C12orf42: variants seen among roughly 807,000 people sequenced by gnomAD.
C12orf42 encodes the protein uncharacterized protein C12orf42.
A neutral mutation model predicts 21.6 loss-of-function variants in C12orf42; 25 were observed. That is an observed-to-expected ratio of 1.16 (90% CI 0.84 to 1.62). The LOEUF is 1.62. Among genes scored for constraint, C12orf42 ranks in the 40% most tolerant of loss-of-function variants. The probability of loss-of-function intolerance (pLI) is 0.00; values close to 1 mark genes in which losing one functional copy is unlikely to be tolerated. For missense variants in C12orf42, 483 were observed against 459.3 expected (o/e 1.05, Z -0.47); for synonymous variants, 174 against 175.0 (o/e 0.99, Z 0.05).
At chr12:103,333,447 A>G (rs1023973414) in intron 4 of C12orf42, among the ~76,000 whole-genome samples, 2 of 152,228 alleles carry the variant, frequency 1.3e-5, no homozygotes, top group African/African-American at 2.4e-5. Context: ...ATAACAAGGA[A>G]CTACAAAGCT....
intron 3 of C12orf42, among the ~76,000 whole-genome samples, chr12:103,389,221 G>A (rs968196590): frequency 6.6e-6 from 1 of 152,234 alleles, no homozygotes; most frequent in South Asian, 2.1e-4. Context: ...TGGGGGTGGG[G>A]GATTTAAGCA....
chr12:103,553,015 A>G, the C12orf42 span, among the ~76,000 whole-genome samples: 1 of 152,170 alleles, frequency 6.6e-6, no homozygotes, highest in Non-Finnish European at 1.5e-5. Context: ...CCTTCCCAAC[A>G]GGTCTCTCCC....
intron 4 of C12orf42, among the ~76,000 whole-genome samples, chr12:103,358,375 T>G (rs1277823708): frequency 6.6e-6 from 1 of 152,072 alleles, no homozygotes; most frequent in Non-Finnish European, 1.5e-5. Flanking sequence ...GGATATGAGA[T>G]GACTGGAGTT....
At chr12:103,418,136 A>G (rs1230757208) in intron 2 of C12orf42, among the ~76,000 whole-genome samples, 1 of 152,228 alleles carries the variant, frequency 6.6e-6, no homozygotes, top group African/African-American at 2.4e-5. Context: ...ATCTATTTCT[A>G]AAGTACTACC....
intron 2 of C12orf42, among the ~76,000 whole-genome samples, chr12:103,413,453 T>C (rs915915017): frequency 1.3e-5 from 2 of 148,282 alleles, no homozygotes; most frequent in Non-Finnish European, 1.5e-5. Context: ...TCATTCCATA[T>C]GAATTTTATT....
the C12orf42 span, among the ~76,000 whole-genome samples, chr12:103,058,462 A>C: frequency 6.6e-6 from 1 of 152,220 alleles, no homozygotes; most frequent in East Asian, 1.9e-4. Flanking sequence ...CAGGACTTGA[A>C]CTCAGCTCTG....
intron 4 of C12orf42, among the ~76,000 whole-genome samples, chr12:103,348,180 T>C (rs188187145): frequency 6.6e-6 from 1 of 152,278 alleles, no homozygotes; most frequent in Non-Finnish European, 1.5e-5. Context: ...TGCTGGAATG[T>C]ATAAGAAAGA....
At chr12:103,311,496 C>T (rs1388140106) in intron 4 of C12orf42, among the ~76,000 whole-genome samples, 1 of 152,128 alleles carries the variant, frequency 6.6e-6, no homozygotes, top group Admixed American at 6.6e-5. Context: ...ACTACAACTA[C>T]CAGGTTGCCT....
At chr12:103,239,882 C>T (rs1421527683) in intron 10 of C12orf42, among the ~76,000 whole-genome samples, 1 of 152,082 alleles carries the variant, frequency 6.6e-6, no homozygotes. Flanking sequence ...CCTGAACTTC[C>T]AGATGGAGAC....
At chr12:103,218,526 C>T in the C12orf42 span, among the ~76,000 whole-genome samples, 183 of 152,186 alleles carry the variant, frequency 1.2e-3, no homozygotes, top group African/African-American at 3.9e-3. Context: ...ACTGCAAAAC[C>T]GAAGTATTCT....
At chr12:103,109,315 ATG>A in the C12orf42 span, among the ~76,000 whole-genome samples, 18 of 151,756 alleles carry the variant, frequency 1.2e-4, no homozygotes, top group Middle Eastern at 3.4e-3. Context: ...GAGAGACAGA[ATG>A]TGTGTGTGTG....
At chr12:103,509,041 G>GT in the C12orf42 span, among the ~76,000 whole-genome samples, 4 of 152,208 alleles carry the variant, frequency 2.6e-5, no homozygotes, top group African/African-American at 9.7e-5. Context: ...GCATAAGGAT[G>GT]TTAAGTACCT....
intron 2 of C12orf42, among the ~76,000 whole-genome samples, chr12:103,447,780 T>A (rs7305704): frequency 0.61 from 92,549 of 151,704 alleles, 29,598 homozygotes; most frequent in Admixed American, 0.72. Flanking sequence ...AAAACGCTGC[T>A]GAAAAAATCA....
chr12:103,177,406 A>T, the C12orf42 span, among the ~76,000 whole-genome samples: 3 of 152,342 alleles, frequency 2.0e-5, no homozygotes, highest in East Asian at 5.8e-4. Context: ...CAAAGAGAGA[A>T]CTATTCCCTA....
chr12:103,162,506 G>GGT, the C12orf42 span, among the ~76,000 whole-genome samples: 35,149 of 147,416 alleles, frequency 0.24, 4,214 homozygotes, highest in East Asian at 0.33. Flanking sequence ...CCAACAAGCT[G>GGT]GTGTGTGTGT....
intron 4 of C12orf42, among the ~76,000 whole-genome samples, chr12:103,286,585 A>G (rs1019499209): frequency 6.6e-6 from 1 of 151,208 alleles, no homozygotes; most frequent in African/African-American, 2.4e-5. Context: ...CATTATTATT[A>G]TCATTATTAC....
the C12orf42 span, among the ~76,000 whole-genome samples, chr12:103,071,426 T>C: frequency 6.6e-6 from 1 of 152,164 alleles, no homozygotes; most frequent in Non-Finnish European, 1.5e-5. Flanking sequence ...CTACTTCTGA[T>C]TTAGGGGTTG....
intron 2 of C12orf42, among the ~76,000 whole-genome samples, chr12:103,405,751 T>A (rs1291798800): frequency 6.6e-6 from 1 of 152,176 alleles, no homozygotes; most frequent in Non-Finnish European, 1.5e-5. Context: ...GCTTTTGAAA[T>A]CCTTGCTTCG....
chr12:103,048,875 C>A, the C12orf42 span, among the ~76,000 whole-genome samples: 2 of 152,276 alleles, frequency 1.3e-5, no homozygotes, highest in South Asian at 4.1e-4. Flanking sequence ...TGCCTCTTCC[C>A]TCAGCCTCCC....
Sources: allele counts gnomAD v4.1 joint callset (sites outside exome capture counted in the v4.1 genomes callset), GRCh38; gene constraint gnomAD v4.1.1; transcripts MANE v1.5; gene names NCBI Gene and HGNC (gene_info 2026-07-23, HGNC 2026-07-21).